The following RXFP1 variants were observed in gnomAD, a reference collection of about 807,000 sequenced individuals.
RXFP1 encodes relaxin receptor 1.
RXFP1 carries 73 observed loss-of-function variants against 89.8 expected under a neutral mutation model. The ratio of observed to expected loss-of-function variants is 0.81; its 90% confidence interval spans 0.67 to 0.99. The LOEUF is 0.99. Ranked by LOEUF, RXFP1 falls within the 50% of genes least tolerant of loss-of-function variation. The probability of loss-of-function intolerance (pLI) is 0.00; values close to 1 mark genes in which losing one functional copy is unlikely to be tolerated. For synonymous variants in RXFP1, 277 were observed against 305.5 expected (o/e 0.91, Z 0.97); for missense variants, 793 against 895.5 (o/e 0.89, Z 1.46).
chr4:158,642,810 A>G (rs773775577), intron 14 of RXFP1, among the ~76,000 whole-genome samples: 11 of 152,170 alleles, frequency 7.2e-5, no homozygotes, highest in Non-Finnish European at 1.3e-4. Context: ...GTGGACACAC[A>G]GGGAGTGAGG....
At chr4:158,608,897 T>C (rs748907277) in intron 6 of RXFP1, among the ~76,000 whole-genome samples, 1 of 152,198 alleles carries the variant, frequency 6.6e-6, no homozygotes, top group African/African-American at 2.4e-5. Context: ...AAATATGTAG[T>C]TTTTTGTGTC....
At chr4:158,535,244 G>A (rs1032649435) in intron 1 of RXFP1, among the ~76,000 whole-genome samples, 21 of 152,138 alleles carry the variant, frequency 1.4e-4, no homozygotes, top group Non-Finnish European at 2.9e-4. Flanking sequence ...TGAAGCAGAT[G>A]CTTGGAGATG....
intron 3 of RXFP1, among the ~76,000 whole-genome samples, chr4:158,594,735 T>G (rs1430100451): frequency 1.3e-5 from 2 of 152,190 alleles, no homozygotes; most frequent in African/African-American, 4.8e-5. Flanking sequence ...TTTAAACATG[T>G]ATTTTTTATA....
At chr4:158,534,139 A>C (rs1744713619) in intron 1 of RXFP1, among the ~76,000 whole-genome samples, 2 of 152,230 alleles carry the variant, frequency 1.3e-5, no homozygotes, top group East Asian at 3.9e-4. Flanking sequence ...CCACTTTTAA[A>C]TTTATTCTGG....
At chr4:158,542,079 C>CTA (rs1553993932) in intron 1 of RXFP1, among the ~76,000 whole-genome samples, 12 of 29,832 alleles carry the variant, frequency 4.0e-4, no homozygotes, top group African/African-American at 1.1e-3. Flanking sequence ...GCCACCATGG[C>CTA]TATATATATA....
At chr4:158,578,316 A>T (rs914886798) in intron 2 of RXFP1, among the ~76,000 whole-genome samples, 14 of 152,192 alleles carry the variant, frequency 9.2e-5, no homozygotes, top group Non-Finnish European at 4.4e-5. Context: ...GACCAAAAAA[A>T]TTTTTTTAAG....
chr4:158,550,724 T>C (rs1749895880), intron 1 of RXFP1, among the ~76,000 whole-genome samples: 2 of 152,172 alleles, frequency 1.3e-5, no homozygotes, highest in Admixed American at 1.3e-4. Flanking sequence ...AGCTAGTCTA[T>C]ATGGGGAATT....
At position 158,643,822 on chromosome 4, in the gene RXFP1, G is replaced by A. The variant is rs188051919; in HGVS notation, c.1116-1087G>A. On this transcript the variant is annotated intron_variant, in intron 14 of 17. Transcript: ENST00000307765. ...CTGAGGAACCCCCATATTGTTCTCCGTTCTCCATAGTGCCTATACTAATTT... is the reference window on the plus strand; with the variant it reads ...CTGAGGAACCCCCATATTGTTCTCCATTCTCCATAGTGCCTATACTAATTT... 1.3e-3 allele frequency among the ~76,000 whole-genome samples: 199 copies of A among 151,922 alleles called. 1 individual carries two copies. Among genetic ancestry groups the A allele is most frequent in the African/African-American group, 2.7e-3 (112 of 41,436 alleles).
chr4:158,561,868 T>C (rs1752527273), intron 1 of RXFP1, among the ~76,000 whole-genome samples: 1 of 152,258 alleles, frequency 6.6e-6, no homozygotes, highest in Admixed American at 6.5e-5. Flanking sequence ...CCTCAAGTGA[T>C]CTGCCCACAT....
chr4:158,576,722 C>A (rs1012199805), intron 2 of RXFP1, among the ~76,000 whole-genome samples: 1 of 151,942 alleles, frequency 6.6e-6, no homozygotes, highest in Non-Finnish European at 1.5e-5. Context: ...CTAGGAAAAC[C>A]GGTATGCTAG....
rs1005092607 is a variant in RXFP1, at chr4:158,522,120, T to C, written c.49+95T>C. 27 of 684,778 alleles carry C rather than the reference T, an allele frequency of 3.9e-5. No individual in the cohort carries two copies. The Middle Eastern group carries it at 1.1e-3, about 27-fold the overall frequency. The allele number at this position is 684,778 out of a possible 1,614,324, so 42.4% of individuals were successfully genotyped here. A position where few individuals can be genotyped will look rare whatever the true frequency, so the allele number is the denominator to read the frequency against. On this transcript the variant is annotated intron_variant, in intron 1 of 17. Coordinates refer to ENST00000307765, the MANE Select transcript of RXFP1 (RefSeq NM_021634.4). ...ACTCCTTATATTTATGCTTTTAAGA[T>C]AAAATGCACTTGCTGATAAAATTGT...
intron 2 of RXFP1, among the ~76,000 whole-genome samples, chr4:158,576,923 C>G (rs1756363070): frequency 6.6e-6 from 1 of 152,156 alleles, no homozygotes; most frequent in African/African-American, 2.4e-5. Context: ...TTCTGTTTGT[C>G]TCTAATTGCT....
intron 1 of RXFP1, among the ~76,000 whole-genome samples, chr4:158,542,079 C>CCATATATATATATATATATATATATATA (rs56378897): frequency 2.7e-4 from 8 of 29,830 alleles, no homozygotes; most frequent in Non-Finnish European, 3.5e-4. Flanking sequence ...GCCACCATGG[C>CCATATATATATATATATATATATATATA]TATATATATA....
intron 9 of RXFP1, among the ~76,000 whole-genome samples, chr4:158,624,537 AG>A (rs1007923030): frequency 1.3e-5 from 2 of 152,198 alleles, no homozygotes; most frequent in African/African-American, 4.8e-5. Flanking sequence ...TTAGTCTCAG[AG>A]GCTCATTAGA....
chr4:158,552,781 C>T (rs1750435207), intron 1 of RXFP1, among the ~76,000 whole-genome samples: 1 of 152,168 alleles, frequency 6.6e-6, no homozygotes, highest in African/African-American at 2.4e-5. Context: ...CCTCAAAGGG[C>T]CCTACAGGTA....
In RXFP1 at chr4:158,567,742, A is replaced by G. The variant is rs181799578; in HGVS notation, c.50-4956A>G. Reference sequence around the variant, plus strand: ...CTAGCTCAGGGATTGTAAACACACCAATCAGCACCCTGTCAAAACAGACCA... The same window carrying G: ...CTAGCTCAGGGATTGTAAACACACCGATCAGCACCCTGTCAAAACAGACCA... On this transcript the variant is annotated intron_variant, in intron 1 of 17. Transcript: ENST00000307765. Among the ~76,000 whole-genome samples the G allele has an allele frequency of 2.8e-4, 43 of 152,298 alleles. 1 individual carries two copies. In the East Asian group the frequency reaches 8.3e-3, roughly 29 times the overall value.
intron 1 of RXFP1, among the ~76,000 whole-genome samples, chr4:158,543,422 T>G (rs1201751863): frequency 6.6e-6 from 1 of 152,194 alleles, no homozygotes; most frequent in Non-Finnish European, 1.5e-5. Flanking sequence ...TTTTTAGGTC[T>G]CATGGTCAGA....
chr4:158,544,329 G>A lies in RXFP1; in HGVS notation c.49+22304G>A, dbSNP rs1399026929. 6.1e-6 allele frequency: 6 copies of A among 985,320 alleles called. No homozygotes were observed. In the East Asian group the frequency reaches 6.8e-4, roughly 112 times the overall value. The allele number at this position is 985,320 out of a possible 1,614,324, so 61.0% of individuals were successfully genotyped here. On this transcript the variant is annotated intron_variant, in intron 1 of 17. Transcript: ENST00000307765. The stretch of plus-strand genomic sequence containing the variant: ...CAACAAAAACATAAAACACTCTGAT[G>A]AGACAGCATCTCATCCTTGCACTGA...
rs539450714 is a variant in RXFP1, at chr4:158,636,590, A to G, written c.972-1418A>G. On this transcript the variant is annotated intron_variant, in intron 12 of 17. Transcript: ENST00000307765. ...ATTAATTCACTTACATGTACAATCA[A>G]CCCTGTGAGGCCAATGCTATTGCTA... Among the ~76,000 whole-genome samples the G allele has an allele frequency of 4.6e-5, 7 of 152,178 alleles. No individual in the cohort carries two copies. In the South Asian group the frequency reaches 1.2e-3, roughly 27 times the overall value.
Sources: gnomAD v4.1 joint callset for allele counts (sites outside exome capture counted in the v4.1 genomes callset) on GRCh38, gnomAD v4.1.1 for gene constraint, MANE v1.5 for transcripts, NCBI Gene and HGNC (gene_info 2026-07-23, HGNC 2026-07-21) for gene names.